SOHLH2: variants seen among roughly 807,000 people sequenced by gnomAD.
SOHLH2 encodes the protein spermatogenesis and oogenesis specific basic helix-loop-helix 2.
In SOHLH2, 22 loss-of-function variants were observed where a neutral mutation model predicts 50.4. The ratio of observed to expected loss-of-function variants is 0.44; its 90% CI spans 0.31 to 0.62. The LOEUF (loss-of-function observed/expected upper bound fraction) is 0.62. Among genes scored for constraint, SOHLH2 ranks in the 20% least tolerant of loss-of-function variants. The pLI, the probability that SOHLH2 is intolerant of heterozygous loss-of-function variation, is 0.08. For missense variants in SOHLH2, 412 were observed against 504.4 expected (o/e 0.82, Z 1.76); for synonymous variants, 185 against 187.3 (o/e 0.99, Z 0.10).
intron 1 of SOHLH2, among the ~76,000 whole-genome samples, chr13:36,211,112 A>G (rs1345824983): frequency 6.6e-6 from 1 of 152,210 alleles, no homozygotes; most frequent in Non-Finnish European, 1.5e-5. Context: ...AATTAACCTG[A>G]TTAATTGAAG....
intron 9 of SOHLH2, among the ~76,000 whole-genome samples, chr13:36,172,845 TGAG>T (rs1477769706): frequency 6.6e-6 from 1 of 152,134 alleles, no homozygotes; most frequent in Non-Finnish European, 1.5e-5. Context: ...ACTGAGAGGC[TGAG>T]GAGAGAGGCA....
intron 2 of SOHLH2, among the ~76,000 whole-genome samples, chr13:36,197,477 G>GC (rs1448870035): frequency 6.6e-6 from 1 of 152,130 alleles, no homozygotes; most frequent in Non-Finnish European, 1.5e-5. Context: ...GAAAGCCCTG[G>GC]CCTCTGAAAT....
At chr13:36,187,762 C>G (rs1289716763) in intron 6 of SOHLH2, among the ~76,000 whole-genome samples, 1 of 152,196 alleles carries the variant, frequency 6.6e-6, no homozygotes, top group South Asian at 2.1e-4. Flanking sequence ...ATTCTTCCAC[C>G]CGGTTCTGGA....
intron 4 of SOHLH2, among the ~76,000 whole-genome samples, chr13:36,192,768 AC>A (rs1887613242): frequency 6.6e-6 from 1 of 152,172 alleles, no homozygotes; most frequent in Non-Finnish European, 1.5e-5. Context: ...TCACATCGTT[AC>A]CTTTTCTGGT....
At chr13:36,184,727 G>C (rs1254228702) in intron 6 of SOHLH2, among the ~76,000 whole-genome samples, 1 of 152,028 alleles carries the variant, frequency 6.6e-6, no homozygotes, top group Non-Finnish European at 1.5e-5. Context: ...CAAAGTGCTG[G>C]GATTACAGGC....
Position 36,170,741 on chromosome 13 carries a change from T to C in SOHLH2, c.1047A>G (p.Lys349=). The C allele has an allele frequency of 6.2e-7, 1 of 1,614,158 alleles. No individual in the cohort carries two copies. The highest frequency in any genetic ancestry group is 1.3e-5 in the African/African-American group (1 of 75,032). The stretch of plus-strand genomic sequence containing the variant: ...ACAGCGCTGCACTGGAAATGTGAGT[T>C]TTATATGGATCACCAATAGCATTCT... The part of the protein sequence containing the change: ...ASENAIGDPY[K]THISSAALSL... The change falls in exon 10 of 11, where the codon AAA becomes AAG. Residue 349 remains lysine (K), a synonymous_variant. Coordinates refer to ENST00000379881, the MANE Select transcript of SOHLH2 (RefSeq NM_017826.3).
intron 2 of SOHLH2, among the ~76,000 whole-genome samples, chr13:36,197,636 C>T (rs1887773662): frequency 6.6e-6 from 1 of 152,206 alleles, no homozygotes; most frequent in African/African-American, 2.4e-5. Flanking sequence ...CAGTTACCCA[C>T]TATTCTGTCC....
In SOHLH2 at chr13:36,168,797, G is replaced by T; in HGVS notation, c.*237C>A. ...GGCCATTTGTTCTTGTAGCTCTCTG[G>T]CTGGCGGGGATCCAAGTGTGTATGA... On this transcript the variant is annotated 3_prime_UTR_variant, in exon 11 of 11. Coordinates refer to ENST00000379881, the MANE Select transcript of SOHLH2 (RefSeq NM_017826.3). 1 of 512,380 alleles carries T rather than the reference G, an allele frequency of 2.0e-6. No individual in the cohort carries two copies. Among genetic ancestry groups the T allele is most frequent in the Non-Finnish European group, 3.2e-6 (1 of 310,112 alleles). The allele number at this position is 512,380 out of a possible 1,614,324, so 31.7% of individuals were successfully genotyped here.
rs867219615 is a variant in SOHLH2, at chr13:36,191,916, C to T, written c.431-22G>A. On this transcript the variant is annotated intron_variant, in intron 4 of 10. Transcript: ENST00000379881. The stretch of plus-strand genomic sequence containing the variant: ...TTAACTGAAAGTTTTGAGAGGGGAA[C>T]TATTTATTTCTGAAGTCACTTAAGG... The T allele has an allele frequency of 1.9e-6, 3 of 1,613,170 alleles. No homozygotes were observed. The South Asian group carries it at 3.3e-5, about 18-fold the overall frequency.
chr13:36,178,887 AATATTT>A (rs1887170374), intron 6 of SOHLH2, among the ~76,000 whole-genome samples: 1 of 139,362 alleles, frequency 7.2e-6, no homozygotes, highest in South Asian at 2.6e-4. Context: ...TAAATGTCAT[AATATTT>A]ATATTTTCAT....
intron 6 of SOHLH2, among the ~76,000 whole-genome samples, chr13:36,176,295 T>G (rs751347184): frequency 6.6e-6 from 1 of 152,202 alleles, no homozygotes; most frequent in Non-Finnish European, 1.5e-5. Flanking sequence ...CCAAATATTT[T>G]TTGCTAGGCA....
chr13:36,176,598 A>AAT (rs150726023), intron 6 of SOHLH2, among the ~76,000 whole-genome samples: 17 of 151,512 alleles, frequency 1.1e-4, no homozygotes, highest in South Asian at 6.2e-4. Context: ...TATGTTTTAT[A>AAT]ATATATATAT....
At chr13:36,201,135 G>A (rs1038105718) in intron 2 of SOHLH2, among the ~76,000 whole-genome samples, 2 of 151,852 alleles carry the variant, frequency 1.3e-5, no homozygotes, top group African/African-American at 2.4e-5. Flanking sequence ...GGAGGTGGTG[G>A]TTTCTGGACC....
At chr13:36,182,389 G>T in intron 6 of SOHLH2, 1 of 601,118 alleles carries the variant, frequency 1.7e-6, no homozygotes, top group Non-Finnish European at 2.1e-6. Flanking sequence ...AATCTTCACT[G>T]GCCTGTGCCT....
chr13:36,212,066 G>T (rs561305188), intron 1 of SOHLH2, among the ~76,000 whole-genome samples: 1 of 152,058 alleles, frequency 6.6e-6, no homozygotes, highest in African/African-American at 2.4e-5. Context: ...CGGCCTTTTG[G>T]GGGGAAAAAA....
chr13:36,202,039 T>A lies in SOHLH2; in HGVS notation c.103A>T (p.Thr35Ser). The A allele has an allele frequency of 6.2e-7, 1 of 1,614,212 alleles. No homozygotes were observed. The highest frequency in any genetic ancestry group is 8.5e-7 in the Non-Finnish European group (1 of 1,180,048). ...GDVTVGYLAD[T>S]VQKLFANIAE... ...ATGTTTGCAAATAGTTTCTGTACAG[T>A]ATCAGCCAGGTAGCCCACAGTGACA... Residue 35 changes from threonine (T) to serine (S), a missense_variant, in exon 2 of 11, where the codon ACT becomes TCT. By Grantham distance (58) the Thr-to-Ser change is moderately conservative. Transcript: ENST00000379881.
intron 6 of SOHLH2, among the ~76,000 whole-genome samples, chr13:36,186,183 A>G (rs993155140): frequency 2.0e-5 from 3 of 152,208 alleles, no homozygotes; most frequent in African/African-American, 7.2e-5. Context: ...AACAAACAAG[A>G]GGAGAAATTA....
chr13:36,174,363 T>C, intron 8 of SOHLH2, 113 bp downstream of exon 8: 1 of 1,412,220 alleles, frequency 7.1e-7, no homozygotes, highest in Non-Finnish European at 9.7e-7. Flanking sequence ...TCGCTGACCC[T>C]TAATAAGCCC....
intron 6 of SOHLH2, among the ~76,000 whole-genome samples, chr13:36,178,290 A>C (rs1887146446): frequency 6.8e-6 from 1 of 146,638 alleles, no homozygotes. Flanking sequence ...CCATCTTGAA[A>C]TAATTTTTTA....
Sources: allele counts gnomAD v4.1 joint callset (sites outside exome capture counted in the v4.1 genomes callset), GRCh38; gene constraint gnomAD v4.1.1; transcripts MANE v1.5; gene names NCBI Gene and HGNC (gene_info 2026-07-23, HGNC 2026-07-21).